SLC16A12: variants seen among roughly 807,000 people sequenced by gnomAD.
SLC16A12 encodes the protein monocarboxylate transporter 12.
In SLC16A12, 17 loss-of-function variants were observed where a neutral mutation model predicts 42.4. That is an observed-to-expected ratio of 0.40 (90% CI 0.27 to 0.60). SLC16A12 has a LOEUF of 0.60. Among genes scored for constraint, SLC16A12 ranks in the 20% least tolerant of loss-of-function variants. SLC16A12 has a pLI of 0.42. For synonymous variants in SLC16A12, 224 were observed against 229.4 expected, an observed-to-expected ratio of 0.98 and a Z score of 0.21; for missense variants, 544 against 623.0, an observed-to-expected ratio of 0.87 and a Z score of 1.35.
At chr10:89,465,964 A>G (rs536546243) in intron 2 of SLC16A12, among the ~76,000 whole-genome samples, 2 of 152,334 alleles carry the variant, frequency 1.3e-5, no homozygotes, top group African/African-American at 4.8e-5. Flanking sequence ...TCTGGATGTG[A>G]TACCTGGATC....
chr10:89,506,239 C>T (rs543063436), intron 2 of SLC16A12, among the ~76,000 whole-genome samples: 2 of 152,308 alleles, frequency 1.3e-5, no homozygotes, highest in Non-Finnish European at 2.9e-5. Context: ...AGACAGACTG[C>T]CTCCTCAACT....
chr10:89,445,936 T>C (rs548181177), intron 3 of SLC16A12, among the ~76,000 whole-genome samples: 1 of 152,226 alleles, frequency 6.6e-6, no homozygotes, highest in East Asian at 1.9e-4. Flanking sequence ...CTGAAAACCA[T>C]GGTATGAGAA....
chr10:89,470,854 C>T (rs1235188803), intron 2 of SLC16A12, among the ~76,000 whole-genome samples: 2 of 152,140 alleles, frequency 1.3e-5, no homozygotes, highest in Non-Finnish European at 1.5e-5. Context: ...TCTGCATGGA[C>T]CAATGAGAAC....
At chr10:89,459,207 CATTT>C (rs1436106750) in intron 3 of SLC16A12, among the ~76,000 whole-genome samples, 2 of 152,068 alleles carry the variant, frequency 1.3e-5, no homozygotes, top group Non-Finnish European at 2.9e-5. Context: ...AATTTGGAGA[CATTT>C]ATTCCCTTGA....
chr10:89,433,297 T>G lies in SLC16A12; in HGVS notation c.1318A>C (p.Thr440Pro), dbSNP rs201915707. The G allele has an allele frequency of 3.5e-4, 565 of 1,614,094 alleles. No homozygotes were observed. Among genetic ancestry groups the G allele is most frequent in the Non-Finnish European group, 4.7e-4 (550 of 1,180,012 alleles). The change falls in exon 8 of 8, where the codon ACT (threonine) becomes CCT (proline). Residue 440 changes from threonine to proline, a missense_variant. By Grantham distance (38) the Thr-to-Pro change is conservative. Transcript: ENST00000371790. The stretch of plus-strand genomic sequence containing the variant: ...AATCCACAGAGGAGGAATGCTGCAG[T>G]GTAGCTGCCGGTGGTATCTACCAGC... ...GRLVDTTGSY[T>P]AAFLLCGFSM...
intron 2 of SLC16A12, among the ~76,000 whole-genome samples, chr10:89,472,345 GAGAA>G (rs1842510740): frequency 6.6e-6 from 1 of 152,046 alleles, no homozygotes; most frequent in Non-Finnish European, 1.5e-5. Flanking sequence ...CTAAAAAAGA[GAGAA>G]AGAGAGATAC....
Position 89,528,015 on chromosome 10 carries a change from G to A in SLC16A12, c.-47+6486C>T, listed in dbSNP as rs529243533. ...AGGTTTAAACTCCTATCTTTCTTAC[G>A]TAAGAGTCCTATATAATATCTTTCT... is the stretch of plus-strand genomic sequence containing the variant. On this transcript the variant is annotated intron_variant, in intron 2 of 7. Coordinates refer to ENST00000371790, the MANE Select transcript of SLC16A12 (RefSeq NM_213606.4). Among the ~76,000 whole-genome samples, 72 of 152,138 alleles carry A rather than the reference G, an allele frequency of 4.7e-4. 1 individual carries two copies. In the South Asian group the frequency reaches 5.6e-3, roughly 12 times the overall value.
chr10:89,472,154 G>A (rs1842504587), intron 2 of SLC16A12, among the ~76,000 whole-genome samples: 1 of 151,930 alleles, frequency 6.6e-6, no homozygotes, highest in Non-Finnish European at 1.5e-5. Flanking sequence ...TTTTTCTTTT[G>A]TAGTTGATTG....
At chr10:89,555,598 C>CATATATACATATATATACAGATATGT (rs1564607530) in intron 2 of SLC16A12, among the ~76,000 whole-genome samples, 1 of 132,670 alleles carries the variant, frequency 7.5e-6, no homozygotes, top group Non-Finnish European at 1.5e-5. Flanking sequence ...TATATATACA[C>CATATATACATATATATACAGATATGT]ATATATACAT....
intron 2 of SLC16A12, among the ~76,000 whole-genome samples, chr10:89,478,685 T>G (rs992115763): frequency 6.6e-6 from 1 of 152,236 alleles, no homozygotes; most frequent in Non-Finnish European, 1.5e-5. Context: ...AATGGACAAC[T>G]ATAAAATCTG....
At chr10:89,485,685 G>C (rs1842732806) in intron 2 of SLC16A12, among the ~76,000 whole-genome samples, 1 of 152,202 alleles carries the variant, frequency 6.6e-6, no homozygotes, top group Non-Finnish European at 1.5e-5. Flanking sequence ...AACGCCCATG[G>C]AAAGGGGAAG....
chr10:89,476,225 T>C (rs544660152), intron 2 of SLC16A12, among the ~76,000 whole-genome samples: 3 of 152,274 alleles, frequency 2.0e-5, no homozygotes, highest in South Asian at 2.1e-4. Context: ...ACCTGGGAGT[T>C]TGAGATGCAT....
rs1045635861 is a variant in SLC16A12 at position 89,545,180 on chromosome 10, G to A, written c.-47+10702C>T. 2.8e-4 allele frequency among the ~76,000 whole-genome samples: 43 copies of A among 152,288 alleles called. No homozygotes were observed. The Middle Eastern group carries it at 0.014, about 48-fold the overall frequency. On this transcript the variant is annotated intron_variant, in intron 2 of 2. Coordinates refer to the SLC16A12 transcript ENST00000475682. ...CCCTCAGCAGGCTGCAGGTGCACAAGTGAGCCTACTGAGACCAGCTGAGAT... is the reference window on the plus strand; with the variant it reads ...CCCTCAGCAGGCTGCAGGTGCACAAATGAGCCTACTGAGACCAGCTGAGAT...
At chr10:89,468,771 C>T (rs1332024019) in intron 2 of SLC16A12, among the ~76,000 whole-genome samples, 2 of 152,130 alleles carry the variant, frequency 1.3e-5, no homozygotes, top group Non-Finnish European at 2.9e-5. Flanking sequence ...TTAACCTGAG[C>T]ATTCTTGTAA....
At chr10:89,487,928 C>G (rs148466347) in intron 2 of SLC16A12, among the ~76,000 whole-genome samples, 5 of 138,626 alleles carry the variant, frequency 3.6e-5, no homozygotes, top group African/African-American at 1.1e-4. Context: ...AAGTGTCCAT[C>G]AACAGATGAT....
At chr10:89,550,355 C>G (rs1314543339) in intron 2 of SLC16A12, among the ~76,000 whole-genome samples, 1 of 152,116 alleles carries the variant, frequency 6.6e-6, no homozygotes, top group Non-Finnish European at 1.5e-5. Flanking sequence ...CCCGTCTCTA[C>G]TAAAAATACA....
intron 3 of SLC16A12, among the ~76,000 whole-genome samples, chr10:89,445,958 A>G (rs1369519717): frequency 6.6e-6 from 1 of 152,234 alleles, no homozygotes; most frequent in Non-Finnish European, 1.5e-5. Context: ...TACGTGACGC[A>G]TACACAAGCT....
intron 2 of SLC16A12, among the ~76,000 whole-genome samples, chr10:89,545,314 A>G (rs1401312994): frequency 6.6e-6 from 1 of 152,234 alleles, no homozygotes; most frequent in Non-Finnish European, 1.5e-5. Flanking sequence ...ATCAAGAAAT[A>G]ACTAATATAA....
At chr10:89,440,116 C>T (rs1361833260) in intron 5 of SLC16A12, among the ~76,000 whole-genome samples, 2 of 128,056 alleles carry the variant, frequency 1.6e-5, no homozygotes, top group African/African-American at 5.6e-5. Context: ...ATTTCTATTA[C>T]TTTTTAAGTG....
Sources: gnomAD v4.1 joint callset for allele counts (sites outside exome capture counted in the v4.1 genomes callset) on GRCh38, gnomAD v4.1.1 for gene constraint, MANE v1.5 for transcripts, NCBI Gene and HGNC (gene_info 2026-07-23, HGNC 2026-07-21) for gene names.